Variants in EFCAB13 observed in about 807,000 individuals in gnomAD.
The protein encoded by EFCAB13 is EF-hand calcium binding domain 13.
A neutral mutation model predicts 110.2 loss-of-function variants in EFCAB13; 91 were observed. The observed-to-expected ratio is 0.83, with a 90% CI of 0.70 to 0.98. EFCAB13 has a LOEUF of 0.98. Among genes scored for constraint, EFCAB13 ranks in the 50% least tolerant of loss-of-function variants. The pLI, the probability that EFCAB13 is intolerant of heterozygous loss-of-function variation, is 0.00. For missense variants in EFCAB13, 968 were observed against 1,119.4 expected, an observed-to-expected ratio of 0.86 and a Z score of 1.93; for synonymous variants, 323 against 369.9, an observed-to-expected ratio of 0.87 and a Z score of 1.45.
intron 9 of EFCAB13, among the ~76,000 whole-genome samples, 184 bp downstream of exon 9, chr17:47,348,135 GA>G (rs2065428297): frequency 1.3e-5 from 2 of 151,412 alleles, no homozygotes. Flanking sequence ...TAATGATATT[GA>G]AAATTGGCCT....
rs1198244523 is a variant in EFCAB13, at chr17:47,404,591, A to T, written c.2191A>T (p.Met731Leu). ...EDNMVNIKDCMRALRDTQKFS... is the reference protein window; with the variant it reads ...EDNMVNIKDCLRALRDTQKFS... ...TAACATGGTGAACATTAAAGACTGT[A>T]TGAGGGCTTTGAGGGACACCCAGAA... Residue 731 changes from methionine (M) to leucine (L), a missense_variant, in exon 20 of 25, where the codon ATG (methionine) becomes TTG (leucine). Transcript: ENST00000331493. 1 of 1,612,940 alleles carries T rather than the reference A, an allele frequency of 6.2e-7. No individual in the cohort carries two copies. The highest frequency in any genetic ancestry group is 8.5e-7 in the Non-Finnish European group (1 of 1,179,340).
At chr17:47,438,841 C>T (rs149801038) in intron 24 of EFCAB13, among the ~76,000 whole-genome samples, 1,656 of 152,118 alleles carry the variant, frequency 0.011, 12 homozygotes, top group Non-Finnish European at 0.018. Context: ...TGAACTAGTG[C>T]GATTTTCCTA....
At chr17:47,391,930 G>T (rs1010615841) in intron 15 of EFCAB13, among the ~76,000 whole-genome samples, 2 of 151,948 alleles carry the variant, frequency 1.3e-5, no homozygotes, top group African/African-American at 4.8e-5. Flanking sequence ...ATTAAATTGG[G>T]GCAAATAGGG....
At chr17:47,406,205 C>T (rs905409031) in intron 20 of EFCAB13, among the ~76,000 whole-genome samples, 4 of 152,096 alleles carry the variant, frequency 2.6e-5, no homozygotes, top group African/African-American at 7.2e-5. Context: ...CTCTGCCTCC[C>T]GGTTTCAAGC....
chr17:47,403,759 C>A, intron 18 of EFCAB13, 119 bp from the exon 19 acceptor site: 1 of 839,100 alleles, frequency 1.2e-6, no homozygotes, highest in Non-Finnish European at 1.7e-6. Flanking sequence ...GGGAGAATTT[C>A]TCTCTGAGAT....
chr17:47,352,497 G>C (rs1484063951), intron 9 of EFCAB13, among the ~76,000 whole-genome samples: 1 of 152,086 alleles, frequency 6.6e-6, no homozygotes, highest in East Asian at 1.9e-4. Context: ...TACTATTATA[G>C]TATAATTTGA....
chr17:47,370,430 A>T lies in EFCAB13; in HGVS notation c.806-7A>T. On this transcript the variant is annotated splice_region_variant and splice_polypyrimidine_tract_variant and intron_variant, in intron 10 of 24. Transcript: ENST00000331493. ...TAAATACAGTATTTGAACTTATTCT[A>T]TTACAGGTAACCACATGGTGGATAT... is the stretch of plus-strand genomic sequence containing the variant. 1.3e-6 allele frequency: 2 copies of T among 1,553,744 alleles called. No individual in the cohort carries two copies. Among genetic ancestry groups the T allele is most frequent in the Non-Finnish European group, 1.8e-6 (2 of 1,125,880 alleles).
intron 10 of EFCAB13, among the ~76,000 whole-genome samples, chr17:47,361,914 T>G (rs1227309558): frequency 6.6e-6 from 1 of 152,194 alleles, no homozygotes; most frequent in Non-Finnish European, 1.5e-5. Flanking sequence ...TAAACAATTT[T>G]GCTATGCCCT....
chr17:47,414,736 G>GA (rs1711981066), intron 22 of EFCAB13, 112 bp from the exon 23 acceptor site: 1 of 712,754 alleles, frequency 1.4e-6, no homozygotes, highest in Non-Finnish European at 2.4e-6. Flanking sequence ...ATTTGAGACA[G>GA]AAAAGTGAGC....
chr17:47,331,217 T>C (rs2065317956), intron 4 of EFCAB13, among the ~76,000 whole-genome samples: 1 of 152,020 alleles, frequency 6.6e-6, no homozygotes, highest in Non-Finnish European at 1.5e-5. Flanking sequence ...CTCATTCTGT[T>C]GGTTGTCTGT....
chr17:47,415,243 G>T (rs987626220), intron 23 of EFCAB13, among the ~76,000 whole-genome samples: 1 of 152,106 alleles, frequency 6.6e-6, no homozygotes, highest in African/African-American at 2.4e-5. Flanking sequence ...GTTATGGGGT[G>T]GGGGGACAGG....
intron 23 of EFCAB13, among the ~76,000 whole-genome samples, chr17:47,428,763 A>T (rs780526174): frequency 4.6e-5 from 7 of 152,146 alleles, no homozygotes; most frequent in Non-Finnish European, 1.0e-4. Context: ...TTACCAGGAC[A>T]AATAGCAGAA....
chr17:47,396,013 C>G (rs370264878), intron 17 of EFCAB13, 36 bp downstream of exon 17: 4 of 1,526,606 alleles, frequency 2.6e-6, no homozygotes, highest in Non-Finnish European at 3.6e-6. Context: ...AAAAGTATAC[C>G]AAGATATTAC....
At chr17:47,340,261 A>G (rs1400788679) in intron 5 of EFCAB13, among the ~76,000 whole-genome samples, 1 of 150,722 alleles carries the variant, frequency 6.6e-6, no homozygotes, top group African/African-American at 2.4e-5. Context: ...GAATCTGTCT[A>G]TATCTTGCCT....
chr17:47,420,294 C>G (rs1208289230), intron 23 of EFCAB13, among the ~76,000 whole-genome samples: 3 of 152,202 alleles, frequency 2.0e-5, no homozygotes, highest in African/African-American at 7.2e-5. Flanking sequence ...TCTCGGCTCG[C>G]TACAACCTCC....
At chr17:47,368,598 T>C (rs1272619316) in intron 10 of EFCAB13, among the ~76,000 whole-genome samples, 2 of 152,206 alleles carry the variant, frequency 1.3e-5, no homozygotes, top group Admixed American at 6.5e-5. Context: ...CTGTACCATT[T>C]CTGAGAGATG....
intron 9 of EFCAB13, among the ~76,000 whole-genome samples, chr17:47,350,021 G>A (rs912280599): frequency 5.9e-5 from 9 of 151,790 alleles, no homozygotes; most frequent in South Asian, 2.1e-4. Context: ...TGATCCACCC[G>A]CCTCGGCCTC....
intron 16 of EFCAB13, among the ~76,000 whole-genome samples, chr17:47,395,112 A>G (rs1271298591): frequency 6.6e-6 from 1 of 152,094 alleles, no homozygotes; most frequent in Non-Finnish European, 1.5e-5. Context: ...TTATCTATAT[A>G]TACCTAATAC....
intron 14 of EFCAB13, among the ~76,000 whole-genome samples, chr17:47,380,476 A>AT (rs1281264376): frequency 2.0e-5 from 3 of 152,174 alleles, no homozygotes; most frequent in African/African-American, 7.2e-5. Flanking sequence ...TATCCAGTCT[A>AT]TCATTGATGG....
Sources: allele counts gnomAD v4.1 joint callset (sites outside exome capture counted in the v4.1 genomes callset), GRCh38; gene constraint gnomAD v4.1.1; transcripts MANE v1.5; gene names NCBI Gene and HGNC (gene_info 2026-07-23, HGNC 2026-07-21).